The following DOK5 variants were observed in gnomAD, a reference collection of about 807,000 sequenced individuals.
DOK5 encodes the protein downstream of tyrosine kinase 5.
A neutral mutation model predicts 43.3 loss-of-function variants in DOK5; 27 were observed. The ratio of observed to expected loss-of-function variants is 0.62; its 90% CI spans 0.46 to 0.86. DOK5 has a LOEUF of 0.86. Among genes scored for constraint, DOK5 ranks in the 40% least tolerant of loss-of-function variants. DOK5 has a pLI of 0.00. For synonymous variants in DOK5, 146 were observed against 140.1 expected, an observed-to-expected ratio of 1.04 and a Z score of -0.30; for missense variants, 373 against 392.9, an observed-to-expected ratio of 0.95 and a Z score of 0.43.
At chr20:54,597,297 T>C (rs1342593673) in intron 5 of DOK5, among the ~76,000 whole-genome samples, 1 of 152,160 alleles carries the variant, frequency 6.6e-6, no homozygotes, top group Non-Finnish European at 1.5e-5. Context: ...TTTTTGATTG[T>C]CACAACCTGG....
At position 54,588,501 on chromosome 20, in the gene DOK5, G is replaced by A; in HGVS notation, c.193G>A (p.Val65Met). 6.2e-7 allele frequency: 1 copy of A among 1,614,118 alleles called. No individual in the cohort carries two copies. The highest frequency in any genetic ancestry group is 2.2e-5 in the East Asian group (1 of 44,886). Residue 65 changes from valine (V) to methionine (M), a missense_variant, in exon 3 of 8, where the codon GTG (valine) becomes ATG (methionine). Val to Met is a conservative substitution (Grantham distance 21). Coordinates refer to ENST00000262593, the MANE Select transcript of DOK5 (RefSeq NM_018431.5). ...TTTTCAGGTTACAGAACTCAATAATGTGAAGAACGTAGCTCGATTGCCAAA... is the reference window on the plus strand; with the variant it reads ...TTTTCAGGTTACAGAACTCAATAATATGAAGAACGTAGCTCGATTGCCAAA... ...CYHKVTELNNVKNVARLPKST... is the reference protein window; with the variant it reads ...CYHKVTELNNMKNVARLPKST...
At chr20:54,615,468 T>G (rs1388313076) in intron 6 of DOK5, among the ~76,000 whole-genome samples, 2 of 150,134 alleles carry the variant, frequency 1.3e-5, no homozygotes, top group Non-Finnish European at 3.0e-5. Flanking sequence ...ACAAGAGGAG[T>G]CAAACAGAGG....
At chr20:54,534,823 CT>C (rs1367179457) in intron 1 of DOK5, among the ~76,000 whole-genome samples, 28 of 102,928 alleles carry the variant, frequency 2.7e-4, no homozygotes, top group African/African-American at 1.7e-3. Context: ...AAGCATGTTT[CT>C]TTCTTTCTTT....
intron 1 of DOK5, among the ~76,000 whole-genome samples, chr20:54,538,834 A>C (rs1984041994): frequency 6.6e-6 from 1 of 152,256 alleles, no homozygotes; most frequent in African/African-American, 2.4e-5. Flanking sequence ...TCAGTGACCA[A>C]ATGGGTAAAC....
intron 2 of DOK5, among the ~76,000 whole-genome samples, chr20:54,573,412 G>A (rs1600710858): frequency 6.6e-6 from 1 of 152,064 alleles, no homozygotes; most frequent in African/African-American, 2.4e-5. Context: ...GTTAGGCGAG[G>A]CGCGGTGGCT....
At chr20:54,529,780 T>C (rs1220424484) in intron 1 of DOK5, among the ~76,000 whole-genome samples, 1 of 152,206 alleles carries the variant, frequency 6.6e-6, no homozygotes, top group Non-Finnish European at 1.5e-5. Flanking sequence ...TTTTCATGCA[T>C]TGGCTTCTTT....
intron 1 of DOK5, among the ~76,000 whole-genome samples, chr20:54,485,984 T>C (rs541894904): frequency 1.5e-4 from 23 of 152,336 alleles, no homozygotes; most frequent in African/African-American, 5.3e-4. Context: ...TTTTTAACGG[T>C]TGAGTTTTGA....
intron 2 of DOK5, among the ~76,000 whole-genome samples, chr20:54,560,930 G>A (rs537022992): frequency 2.0e-5 from 3 of 152,176 alleles, no homozygotes; most frequent in Non-Finnish European, 4.4e-5. Context: ...CCTGAGCTTG[G>A]TTTCTTTATG....
At chr20:54,542,113 C>CACAG (rs1568774885) in intron 1 of DOK5, among the ~76,000 whole-genome samples, 16 of 151,504 alleles carry the variant, frequency 1.1e-4, no homozygotes, top group African/African-American at 3.2e-4. Context: ...CACACACACA[C>CACAG]ACACACACAC....
chr20:54,640,197 C>T (rs1193661757), intron 6 of DOK5, among the ~76,000 whole-genome samples: 1 of 152,224 alleles, frequency 6.6e-6, no homozygotes, highest in African/African-American at 2.4e-5. Flanking sequence ...GACAGTGACC[C>T]TGCCAGGAAC....
intron 2 of DOK5, among the ~76,000 whole-genome samples, chr20:54,576,063 TA>T: frequency 6.6e-6 from 1 of 152,078 alleles, no homozygotes; most frequent in African/African-American, 2.4e-5. Context: ...GAATACCTTT[TA>T]AAAAAATGAA....
At chr20:54,504,635 A>T (rs1982738147) in intron 1 of DOK5, among the ~76,000 whole-genome samples, 1 of 152,218 alleles carries the variant, frequency 6.6e-6, no homozygotes, top group African/African-American at 2.4e-5. Flanking sequence ...AGATGGTGTC[A>T]TGCTATCCTT....
rs1481549052 is a variant in DOK5, at chr20:54,601,261, CAG to C, written c.600-9123_600-9122del. On this transcript the variant is annotated intron_variant, in intron 5 of 7. Coordinates refer to ENST00000262593, the MANE Select transcript of DOK5 (RefSeq NM_018431.5). ...TTACTAAACTGCCATTTCATCTTGT[CAG>C]AGATTAGTAAAGCTACACATTGTGT... 5.3e-5 allele frequency among the ~76,000 whole-genome samples: 8 copies of C among 152,288 alleles called. 1 individual carries two copies. The South Asian group carries it at 1.7e-3, about 32-fold the overall frequency.
chr20:54,568,787 G>A (rs1302646827), intron 2 of DOK5, among the ~76,000 whole-genome samples: 1 of 151,846 alleles, frequency 6.6e-6, no homozygotes, highest in Non-Finnish European at 1.5e-5. Context: ...AAAATTAGCC[G>A]GGTGTGGTGG....
intron 7 of DOK5, 58 bp downstream of exon 7, chr20:54,643,636 G>A: frequency 6.4e-7 from 1 of 1,565,084 alleles, no homozygotes; most frequent in South Asian, 1.2e-5. Context: ...TACTGGGGAG[G>A]GGGCTCAGCT....
intron 1 of DOK5, among the ~76,000 whole-genome samples, chr20:54,553,033 G>A (rs893497708): frequency 6.6e-6 from 1 of 152,102 alleles, no homozygotes; most frequent in Non-Finnish European, 1.5e-5. Context: ...CTTAAACTTT[G>A]TAGTACATAA....
chr20:54,567,566 T>C (rs970267430), intron 2 of DOK5, among the ~76,000 whole-genome samples: 9 of 152,234 alleles, frequency 5.9e-5, no homozygotes, highest in African/African-American at 2.2e-4. Context: ...GCCAATATCA[T>C]ACTCTCTTGA....
chr20:54,595,531 T>C (rs1986114205), intron 5 of DOK5, among the ~76,000 whole-genome samples: 1 of 152,210 alleles, frequency 6.6e-6, no homozygotes, highest in African/African-American at 2.4e-5. Flanking sequence ...ATAAGTGTTT[T>C]ATCCCATGAC....
At chr20:54,583,728 A>G (rs1325696693) in intron 2 of DOK5, among the ~76,000 whole-genome samples, 1 of 151,940 alleles carries the variant, frequency 6.6e-6, no homozygotes, top group Admixed American at 6.6e-5. Context: ...TGCTGTTTCT[A>G]TGGGTTATCT....
Sources: allele counts gnomAD v4.1 joint callset (sites outside exome capture counted in the v4.1 genomes callset), GRCh38; gene constraint gnomAD v4.1.1; transcripts MANE v1.5; gene names NCBI Gene and HGNC (gene_info 2026-07-23, HGNC 2026-07-21).